HIP1: variants seen among roughly 807,000 people sequenced by gnomAD.
The protein encoded by HIP1 is huntingtin interacting protein 1, also known as huntingtin-interacting protein 1.
Under a neutral mutation model 147.6 loss-of-function variants are expected in HIP1, and 65 were observed. The ratio of observed to expected loss-of-function variants is 0.44; its 90% CI spans 0.36 to 0.54. HIP1 has a LOEUF of 0.54. Ranked by LOEUF, HIP1 falls within the 20% of genes least tolerant of loss-of-function variation. The pLI, the probability that HIP1 is intolerant of heterozygous loss-of-function variation, is 0.00. For missense variants in HIP1, 1,061 were observed against 1,299.6 expected (o/e 0.82, Z 2.82); for synonymous variants, 479 against 504.0 (o/e 0.95, Z 0.67).
intron 1 of HIP1, among the ~76,000 whole-genome samples, chr7:75,696,522 C>CCCCCTTCCCCTCCCCTCCCT (rs1800639132): frequency 8.9e-6 from 1 of 111,856 alleles, no homozygotes; most frequent in Non-Finnish European, 1.9e-5. Context: ...CTCCCCTCCC[C>CCCCCTTCCCCTCCCCTCCCT]TCCCTTCCCC....
At chr7:75,701,507 A>T (rs781869221) in intron 1 of HIP1, among the ~76,000 whole-genome samples, 2 of 152,100 alleles carry the variant, frequency 1.3e-5, no homozygotes, top group Non-Finnish European at 2.9e-5. Flanking sequence ...CCAGGAGTTC[A>T]AAACTGACCT....
At chr7:75,728,809 A>G (rs74701105) in intron 1 of HIP1, among the ~76,000 whole-genome samples, 5 of 147,072 alleles carry the variant, frequency 3.4e-5, no homozygotes, top group Non-Finnish European at 6.0e-5. Flanking sequence ...AAAAAAAAAA[A>G]GGACAGGGAC....
chr7:75,599,380 C>T, intron 1 of HIP1, 133 bp from the exon 2 acceptor site: 1 of 685,302 alleles, frequency 1.5e-6, no homozygotes, highest in African/African-American at 1.8e-5. Flanking sequence ...GTGGTCGGTT[C>T]CTCTGCAGGC....
chr7:75,662,998 C>G (rs916018773), intron 1 of HIP1, among the ~76,000 whole-genome samples: 1 of 152,158 alleles, frequency 6.6e-6, no homozygotes, highest in African/African-American at 2.4e-5. Flanking sequence ...AAATCCCCAC[C>G]TTTTTTCTAC....
At chr7:75,591,898 A>G (rs587732114) in intron 4 of HIP1, among the ~76,000 whole-genome samples, 158 bp downstream of exon 4, 2 of 152,028 alleles carry the variant, frequency 1.3e-5, no homozygotes, top group African/African-American at 2.4e-5. Context: ...ATATCATGGT[A>G]CTCTTTGGGG....
chr7:75,632,841 AT>A (rs1554509134), intron 1 of HIP1, among the ~76,000 whole-genome samples: 1 of 152,232 alleles, frequency 6.6e-6, no homozygotes, highest in South Asian at 2.1e-4. Context: ...AAGGAACAAG[AT>A]TATGTCCTTT....
At chr7:75,624,560 G>A (rs1554507705) in intron 1 of HIP1, among the ~76,000 whole-genome samples, 1 of 152,150 alleles carries the variant, frequency 6.6e-6, no homozygotes, top group East Asian at 1.9e-4. Flanking sequence ...TGGTCTCCTG[G>A]TGGCCACAAC....
chr7:75,622,799 C>T (rs1297387839), intron 1 of HIP1, among the ~76,000 whole-genome samples: 2 of 150,532 alleles, frequency 1.3e-5, no homozygotes, highest in South Asian at 2.1e-4. Context: ...GCTATGACTG[C>T]GTTACTGCAC....
Position 75,544,748 on chromosome 7 carries a change from C to T in HIP1, c.2713G>A (p.Val905Met), listed in dbSNP as rs1269084758. The change falls in exon 27 of 31, where the codon GTG becomes ATG. Residue 905 changes from valine to methionine, a missense_variant. Val to Met is a conservative substitution (Grantham distance 21). Transcript: ENST00000336926. ...QGRGKFEELMVCSHEIAASTA... is the reference protein window; with the variant it reads ...QGRGKFEELMMCSHEIAASTA... ...CTAGCAGCAATTTCATGAGAACACA[C>T]CATTAGCTCCTCAAATTTCCCTCTG... The T allele has an allele frequency of 1.2e-6, 2 of 1,613,856 alleles. No individual in the cohort carries two copies. The highest frequency in any genetic ancestry group is 8.5e-7 in the Non-Finnish European group (1 of 1,179,820).
intron 1 of HIP1, among the ~76,000 whole-genome samples, chr7:75,606,518 G>C (rs1277408751): frequency 1.3e-5 from 2 of 151,956 alleles, no homozygotes; most frequent in Admixed American, 1.3e-4. Flanking sequence ...GCAGGTTGCA[G>C]TGAGCCGAGA....
intron 2 of HIP1, among the ~76,000 whole-genome samples, chr7:75,598,956 G>A (rs1796867139): frequency 6.6e-6 from 1 of 152,152 alleles, no homozygotes; most frequent in East Asian, 1.9e-4. Context: ...TCTTTGGCAA[G>A]TTGAAAGGCC....
chr7:75,537,863 G>C lies in HIP1; in HGVS notation c.*309C>G. 1 of 415,166 alleles carries C rather than the reference G, an allele frequency of 2.4e-6. No homozygotes were observed. Among genetic ancestry groups the C allele is most frequent in the Middle Eastern group, 6.5e-4 (1 of 1,532 alleles). 25.7% of individuals were successfully genotyped at this position (415,166 alleles called of 1,614,324 possible). A position where few individuals can be genotyped will look rare whatever the true frequency, so the allele number is the denominator to read the frequency against. ...AAATAGTCAGCAGGACTGGATGTTG[G>C]TCCTCTCTGTTGAGTGGCCCTGCCC... On this transcript the variant is annotated 3_prime_UTR_variant, in exon 31 of 31. Transcript: ENST00000336926.
intron 1 of HIP1, among the ~76,000 whole-genome samples, chr7:75,731,835 C>T (rs1584987471): frequency 6.6e-6 from 1 of 152,214 alleles, no homozygotes; most frequent in African/African-American, 2.4e-5. Context: ...CCCACGGTCA[C>T]CATCTTGATT....
intron 1 of HIP1, among the ~76,000 whole-genome samples, chr7:75,660,094 C>G (rs1554513386): frequency 1.3e-5 from 2 of 151,788 alleles, no homozygotes; most frequent in African/African-American, 4.8e-5. Context: ...CCATTGTACT[C>G]CAGCCTGGCA....
chr7:75,578,136 T>G (rs2116909247), intron 7 of HIP1, among the ~76,000 whole-genome samples: 1 of 152,276 alleles, frequency 6.6e-6, no homozygotes, highest in East Asian at 1.9e-4. Flanking sequence ...CATCACCATC[T>G]CCGCTTACTC....
chr7:75,704,930 A>C (rs1470354575), intron 1 of HIP1, among the ~76,000 whole-genome samples: 1 of 152,216 alleles, frequency 6.6e-6, no homozygotes, highest in Non-Finnish European at 1.5e-5. Flanking sequence ...AAAAGCTTGG[A>C]ATTCCACCTT....
At chr7:75,682,221 G>A (rs2117273525) in intron 1 of HIP1, among the ~76,000 whole-genome samples, 1 of 151,134 alleles carries the variant, frequency 6.6e-6, no homozygotes, top group African/African-American at 2.4e-5. Context: ...CTCCCAAAGT[G>A]CTGGGATTTC....
intron 1 of HIP1, among the ~76,000 whole-genome samples, chr7:75,616,127 G>GAAAACA (rs1217661306): frequency 3.1e-5 from 4 of 129,306 alleles, no homozygotes; most frequent in East Asian, 2.1e-4. Flanking sequence ...GAAAAGAAAA[G>GAAAACA]AAAACAAAAA....
In HIP1 at chr7:75,601,461, C is replaced by T. The variant is rs185259055; in HGVS notation, c.121-2214G>A. Among the ~76,000 whole-genome samples the T allele has an allele frequency of 1.4e-4, 21 of 151,818 alleles. No homozygotes were observed. The East Asian group carries it at 2.9e-3, about 21-fold the overall frequency. On this transcript the variant is annotated intron_variant, in intron 1 of 30. Coordinates refer to ENST00000336926, the MANE Select transcript of HIP1 (RefSeq NM_005338.7). ...AAAATTAGCTGGGCGTGGTGACGGG[C>T]GCCTGTAATCCCAGCTACTTGCTAC...
Sources: allele counts gnomAD v4.1 joint callset (sites outside exome capture counted in the v4.1 genomes callset), GRCh38; gene constraint gnomAD v4.1.1; transcripts MANE v1.5; gene names NCBI Gene and HGNC (gene_info 2026-07-23, HGNC 2026-07-21).